Variants in PLXDC2 observed in about 807,000 individuals in gnomAD.
The protein encoded by PLXDC2 is plexin domain containing 2.
A neutral mutation model predicts 68.9 loss-of-function variants in PLXDC2; 40 were observed. The ratio of observed to expected loss-of-function variants is 0.58; its 90% CI spans 0.45 to 0.76. The LOEUF (loss-of-function observed/expected upper bound fraction) is 0.76, where lower values mean the gene tolerates loss of function less well. PLXDC2 is among the 30% of genes least tolerant of loss of function. The pLI, the probability that PLXDC2 is intolerant of heterozygous loss-of-function variation, is 0.00. For missense variants in PLXDC2, 644 were observed against 661.9 expected (o/e 0.97, Z 0.30); for synonymous variants, 243 against 234.2 (o/e 1.04, Z -0.34).
intron 4 of PLXDC2, among the ~76,000 whole-genome samples, chr10:20,132,603 G>T (rs1241481133): frequency 1.3e-5 from 2 of 151,618 alleles, no homozygotes; most frequent in Non-Finnish European, 2.9e-5. Context: ...GTCTCTTGTG[G>T]CAGTTTTTGA....
At chr10:20,246,432 C>G (rs750237204) in intron 13 of PLXDC2, among the ~76,000 whole-genome samples, 2 of 152,208 alleles carry the variant, frequency 1.3e-5, no homozygotes, top group African/African-American at 2.4e-5. Flanking sequence ...TCACTGCAAC[C>G]TCTGCCTTCC....
intron 12 of PLXDC2, among the ~76,000 whole-genome samples, chr10:20,238,739 A>ATG (rs200664288): frequency 0.021 from 2,272 of 108,132 alleles, 65 homozygotes; most frequent in African/African-American, 0.068. Flanking sequence ...ACATATATAT[A>ATG]TGTGTGTATA....
chr10:20,161,731 G>T (rs1043971573), intron 6 of PLXDC2, among the ~76,000 whole-genome samples: 2 of 151,948 alleles, frequency 1.3e-5, no homozygotes, highest in South Asian at 2.1e-4. Context: ...AGGGAAGAGA[G>T]ACAGAAAAGG....
chr10:19,816,865 G>A lies in PLXDC2; in HGVS notation c.-215G>A. On this transcript the variant is annotated 5_prime_UTR_variant, in exon 1 of 14. Coordinates refer to ENST00000377252, the MANE Select transcript of PLXDC2 (RefSeq NM_032812.9). The stretch of plus-strand genomic sequence containing the variant: ...CTGCGAGTGTGGCAAGTTGCAAAGA[G>A]AGCCTCAGAGGTCCGAAGAGCGCTG... 1 of 583,758 alleles carries A rather than the reference G, an allele frequency of 1.7e-6. No individual in the cohort carries two copies. The highest frequency in any genetic ancestry group is 3.0e-6 in the Non-Finnish European group (1 of 328,418). 36.2% of individuals were successfully genotyped at this position (583,758 alleles called of 1,614,324 possible).
chr10:20,179,233 G>C (rs934206426), intron 9 of PLXDC2, among the ~76,000 whole-genome samples: 1 of 152,138 alleles, frequency 6.6e-6, no homozygotes, highest in African/African-American at 2.4e-5. Context: ...TTGCATCCTG[G>C]GCAAGCCGCC....
At chr10:20,089,182 G>A (rs1833243104) in intron 4 of PLXDC2, among the ~76,000 whole-genome samples, 1 of 88,778 alleles carries the variant, frequency 1.1e-5, no homozygotes, top group East Asian at 1.3e-3. Flanking sequence ...GTGTGTGTGT[G>A]TGTGTGTGTG....
chr10:20,049,676 A>G (rs187237090), intron 3 of PLXDC2, among the ~76,000 whole-genome samples: 57 of 152,216 alleles, frequency 3.7e-4, no homozygotes, highest in African/African-American at 1.3e-3. Flanking sequence ...CTCTACAATG[A>G]GAATTACAAA....
At chr10:20,143,876 G>T (rs1834039619) in intron 5 of PLXDC2, among the ~76,000 whole-genome samples, 1 of 152,072 alleles carries the variant, frequency 6.6e-6, no homozygotes, top group African/African-American at 2.4e-5. Flanking sequence ...AGTTAGTTGT[G>T]GGTAGTTCAA....
At chr10:20,032,021 A>G (rs1835508900) in intron 2 of PLXDC2, among the ~76,000 whole-genome samples, 1 of 152,050 alleles carries the variant, frequency 6.6e-6, no homozygotes, top group Non-Finnish European at 1.5e-5. Context: ...AGGTTTCACC[A>G]TGTTGGCCAG....
chr10:20,024,578 T>C (rs1835365679), intron 2 of PLXDC2, among the ~76,000 whole-genome samples: 1 of 152,180 alleles, frequency 6.6e-6, no homozygotes. Flanking sequence ...CTTGTTTTTG[T>C]TTTTCTTTTT....
intron 3 of PLXDC2, among the ~76,000 whole-genome samples, chr10:20,050,331 G>A (rs950865524): frequency 6.6e-6 from 1 of 152,032 alleles, no homozygotes; most frequent in African/African-American, 2.4e-5. Flanking sequence ...GACACCAAAT[G>A]CACTCACAAT....
intron 1 of PLXDC2, among the ~76,000 whole-genome samples, chr10:19,992,954 A>G (rs1589574674): frequency 6.6e-6 from 1 of 152,302 alleles, no homozygotes; most frequent in African/African-American, 2.4e-5. Context: ...TGAACGATTA[A>G]TCAGAGGCAG....
chr10:19,828,273 T>G (rs1403944206), intron 1 of PLXDC2, among the ~76,000 whole-genome samples: 1 of 152,250 alleles, frequency 6.6e-6, no homozygotes, highest in Non-Finnish European at 1.5e-5. Context: ...AATGGCTCAC[T>G]AGCTGATTCA....
intron 4 of PLXDC2, among the ~76,000 whole-genome samples, chr10:20,082,063 T>C (rs7908099): frequency 4.5e-5 from 4 of 88,750 alleles, no homozygotes; most frequent in Non-Finnish European, 5.7e-5. Context: ...AAAAAAAAAA[T>C]CAAAAAAAAA....
At chr10:20,099,781 C>A (rs998277396) in intron 4 of PLXDC2, among the ~76,000 whole-genome samples, 4 of 151,942 alleles carry the variant, frequency 2.6e-5, no homozygotes, top group African/African-American at 7.3e-5. Flanking sequence ...TAGGGAGATT[C>A]TTTTAATTAT....
intron 1 of PLXDC2, among the ~76,000 whole-genome samples, chr10:19,909,606 A>G (rs931114341): frequency 1.3e-5 from 2 of 152,158 alleles, no homozygotes; most frequent in Admixed American, 6.6e-5. Flanking sequence ...GCATTCATTT[A>G]TGTATTGAAT....
intron 1 of PLXDC2, among the ~76,000 whole-genome samples, chr10:19,959,122 A>C (rs1834116589): frequency 6.6e-6 from 1 of 152,214 alleles, no homozygotes; most frequent in Admixed American, 6.5e-5. Flanking sequence ...TCATTTTACA[A>C]ATGAAGACAT....
chr10:19,820,470 AAAT>A (rs1589483058), intron 1 of PLXDC2, among the ~76,000 whole-genome samples: 1 of 151,452 alleles, frequency 6.6e-6, no homozygotes, highest in Non-Finnish European at 1.5e-5. Context: ...TCTCTACTAA[AAAT>A]ACAAAAAAAA....
chr10:20,189,476 CATATATATATATATATAT>C (rs59999548), intron 9 of PLXDC2, among the ~76,000 whole-genome samples: 4 of 75,808 alleles, frequency 5.3e-5, no homozygotes, highest in African/African-American at 1.5e-4. Flanking sequence ...AAAGGTAGGC[CATATATATATATATATAT>C]ATATATATAT....
Sources: allele counts gnomAD v4.1 joint callset (sites outside exome capture counted in the v4.1 genomes callset), GRCh38; gene constraint gnomAD v4.1.1; transcripts MANE v1.5; gene names NCBI Gene and HGNC (gene_info 2026-07-23, HGNC 2026-07-21).